Variants in KLF13 observed in about 807,000 individuals in gnomAD.
KLF13 encodes KLF transcription factor 13.
Under a neutral mutation model 16.7 loss-of-function variants are expected in KLF13, and 8 were observed. The ratio of observed to expected loss-of-function variants is 0.48; its 90% CI spans 0.28 to 0.87. The LOEUF (loss-of-function observed/expected upper bound fraction) is 0.87, where lower values mean the gene tolerates loss of function less well. Ranked by LOEUF, KLF13 falls within the 40% of genes least tolerant of loss-of-function variation. The pLI, the probability that KLF13 is intolerant of heterozygous loss-of-function variation, is 0.10. For missense variants in KLF13, 447 were observed against 452.2 expected, an observed-to-expected ratio of 0.99 and a Z score of 0.10; for synonymous variants, 245 against 208.4, an observed-to-expected ratio of 1.18 and a Z score of -1.51.
chr15:31,380,639 G>GTGGCTCA (rs1372114024), downstream of KLF13, among the ~76,000 whole-genome samples: 1 of 152,170 alleles, frequency 6.6e-6, no homozygotes, highest in Non-Finnish European at 1.5e-5. Flanking sequence ...GGGGACATGG[G>GTGGCTCA]TGGCTCAATT....
Position 31,335,860 on chromosome 15 carries a change from G to T in KLF13, c.577+8071G>T, listed in dbSNP as rs183115323. Among the ~76,000 whole-genome samples the T allele has an allele frequency of 4.5e-3, 687 of 152,298 alleles. 2 individuals are homozygous for T. Among genetic ancestry groups the T allele is most frequent in the African/African-American group, 0.016 (655 of 41,550 alleles). On this transcript the variant is annotated intron_variant, in intron 1 of 1. Transcript: ENST00000307145. Reference sequence around the variant, plus strand: ...TCGTCTCCTTGAAGCTGGAGCCCACGCTGCATCATGAAAGAGCTCTGCAAG... The same window carrying T: ...TCGTCTCCTTGAAGCTGGAGCCCACTCTGCATCATGAAAGAGCTCTGCAAG...
intron 1 of KLF13, among the ~76,000 whole-genome samples, chr15:31,382,960 G>A (rs115577263): frequency 6.6e-6 from 1 of 152,170 alleles, no homozygotes; most frequent in Non-Finnish European, 1.5e-5. Context: ...CTTGACCCCT[G>A]CCCCATCATA....
At chr15:31,382,066 C>T (rs1025372925), downstream of KLF13, among the ~76,000 whole-genome samples, 1 of 152,142 alleles carries the variant, frequency 6.6e-6, no homozygotes, top group African/African-American at 2.4e-5. Flanking sequence ...CAGTGGTGTG[C>T]GAGATGTCAG....
chr15:31,364,499 TC>T (rs1379300119), intron 1 of KLF13, among the ~76,000 whole-genome samples: 1 of 152,230 alleles, frequency 6.6e-6, no homozygotes, highest in Non-Finnish European at 1.5e-5. Context: ...CAAACATGCT[TC>T]CCGGGGCCCC....
At chr15:31,331,252 G>C (rs2038826589) in intron 1 of KLF13, among the ~76,000 whole-genome samples, 1 of 152,232 alleles carries the variant, frequency 6.6e-6, no homozygotes, top group Non-Finnish European at 1.5e-5. Context: ...ACAGTGGCGT[G>C]CCCAGCCTTC....
chr15:31,380,471 T>G (rs1243224099), downstream of KLF13, among the ~76,000 whole-genome samples: 1 of 152,186 alleles, frequency 6.6e-6, no homozygotes, highest in Non-Finnish European at 1.5e-5. Flanking sequence ...AGGGCCACAG[T>G]GTTTTCCAAG....
downstream of KLF13, among the ~76,000 whole-genome samples, chr15:31,409,510 AAGAG>A (rs1184055939): frequency 6.6e-6 from 1 of 152,006 alleles, no homozygotes; most frequent in Admixed American, 6.6e-5. Context: ...GCAGGAAAGA[AAGAG>A]AGAGAAAGGA....
intron 1 of KLF13, among the ~76,000 whole-genome samples, chr15:31,330,598 G>A (rs903551646): frequency 6.6e-6 from 1 of 152,222 alleles, no homozygotes; most frequent in Non-Finnish European, 1.5e-5. Context: ...TCCCTTGGCC[G>A]TGGCTCTGCT....
chr15:31,402,544 C>T (rs892056592), intron 2 of KLF13, among the ~76,000 whole-genome samples: 2 of 152,244 alleles, frequency 1.3e-5, no homozygotes, highest in Non-Finnish European at 2.9e-5. Context: ...GCCTGAATGT[C>T]CCCGCTCTGG....
intron 1 of KLF13, among the ~76,000 whole-genome samples, chr15:31,414,817 G>A (rs527859527): frequency 6.6e-6 from 1 of 152,156 alleles, no homozygotes; most frequent in East Asian, 1.9e-4. Flanking sequence ...AGTAGAAGAA[G>A]ACTTGAATGA....
At chr15:31,347,535 C>G (rs2039143188) in intron 1 of KLF13, among the ~76,000 whole-genome samples, 1 of 152,170 alleles carries the variant, frequency 6.6e-6, no homozygotes, top group Admixed American at 6.5e-5. Flanking sequence ...GGATGTGGGG[C>G]CCAGGAGGTG....
In KLF13 at chr15:31,423,163, ATG is replaced by A. The variant is rs1555383366; in HGVS notation, n.118-12205_118-12204del. Among the ~76,000 whole-genome samples, 28 of 118,072 alleles carry A rather than the reference ATG, an allele frequency of 2.4e-4. 1 individual carries two copies. The highest frequency in any genetic ancestry group is 7.1e-4 in the South Asian group (3 of 4,206). The allele number at this position is 118,072 out of a possible 152,430, so 77.5% of individuals were successfully genotyped here. A position where few individuals can be genotyped will look rare whatever the true frequency, so the allele number is the denominator to read the frequency against. ...CGTATACGTATATATACGTATATATATGTATATATATACATATATACGTATAT... is the reference window on the plus strand; with the variant it reads ...CGTATACGTATATATACGTATATATATATATATATACATATATACGTATAT... On this transcript the variant is annotated intron_variant and non_coding_transcript_variant, in intron 1 of 1. Coordinates refer to the KLF13 transcript ENST00000558225.
intron 1 of KLF13, among the ~76,000 whole-genome samples, chr15:31,344,151 A>G (rs887219468): frequency 2.6e-5 from 4 of 151,860 alleles, no homozygotes; most frequent in African/African-American, 9.7e-5. Flanking sequence ...CACCCACACC[A>G]CCCTGAGCCT....
intron 1 of KLF13, chr15:31,420,498 T>C (rs1444377784): frequency 5.8e-5 from 38 of 652,332 alleles, no homozygotes; most frequent in Non-Finnish European, 8.5e-5. Flanking sequence ...AAGTCGTCTG[T>C]ACTGTATGGC....
chr15:31,349,928 G>A (rs141392445), intron 1 of KLF13, among the ~76,000 whole-genome samples: 10 of 152,356 alleles, frequency 6.6e-5, no homozygotes, highest in Admixed American at 6.5e-4. Flanking sequence ...AAAGTAACCA[G>A]CCATGTGTTC....
At chr15:31,354,614 A>G (rs1051718355) in intron 1 of KLF13, among the ~76,000 whole-genome samples, 1 of 152,086 alleles carries the variant, frequency 6.6e-6, no homozygotes, top group African/African-American at 2.4e-5. Flanking sequence ...TGAACTCTTG[A>G]CTTCAAGTGA....
intron 2 of KLF13, among the ~76,000 whole-genome samples, chr15:31,394,608 A>T (rs2140986269): frequency 6.6e-6 from 1 of 152,204 alleles, no homozygotes; most frequent in East Asian, 1.9e-4. Flanking sequence ...GGCAGAGAGG[A>T]TGGAGGTGGA....
downstream of KLF13, among the ~76,000 whole-genome samples, chr15:31,406,248 A>G (rs557142601): frequency 5.9e-5 from 9 of 152,142 alleles, no homozygotes; most frequent in Non-Finnish European, 1.3e-4. Flanking sequence ...AGGCCAAGGC[A>G]GGCGGATCAC....
At chr15:31,431,468 T>C (rs1465955157) in intron 1 of KLF13, among the ~76,000 whole-genome samples, 1 of 151,972 alleles carries the variant, frequency 6.6e-6, no homozygotes, top group East Asian at 1.9e-4. Context: ...AGCAACATGG[T>C]TAAATTTTTT....
Sources: allele counts gnomAD v4.1 joint callset (sites outside exome capture counted in the v4.1 genomes callset), GRCh38; gene constraint gnomAD v4.1.1; transcripts MANE v1.5; gene names NCBI Gene and HGNC (gene_info 2026-07-23, HGNC 2026-07-21).